Variants in CAMTA1 observed in about 807,000 individuals in gnomAD.
CAMTA1 encodes calmodulin binding transcription activator 1, also known as calmodulin-binding transcription activator 1.
A neutral mutation model predicts 170.9 loss-of-function variants in CAMTA1; 27 were observed. The observed-to-expected ratio is 0.16, with a 90% confidence interval of 0.12 to 0.22. CAMTA1 has a LOEUF of 0.22. CAMTA1 is among the 10% of genes least tolerant of loss of function. CAMTA1 has a pLI of 1.00. For synonymous variants in CAMTA1, 833 were observed against 891.5 expected, an observed-to-expected ratio of 0.93 and a Z score of 1.17; for missense variants, 1,619 against 2,217.2, an observed-to-expected ratio of 0.73 and a Z score of 5.42.
At chr1:7,621,178 A>G (rs925530805) in intron 6 of CAMTA1, among the ~76,000 whole-genome samples, 2 of 152,198 alleles carry the variant, frequency 1.3e-5, no homozygotes, top group African/African-American at 4.8e-5. Flanking sequence ...TCCAGCCAGG[A>G]AAAGAGGTCC....
intron 6 of CAMTA1, among the ~76,000 whole-genome samples, chr1:7,484,234 G>A (rs939263012): frequency 1.3e-5 from 2 of 152,082 alleles, no homozygotes; most frequent in East Asian, 1.9e-4. Flanking sequence ...GCCTTCCCTC[G>A]GGGGGCTCAC....
intron 16 of CAMTA1, among the ~76,000 whole-genome samples, chr1:7,742,870 C>A (rs1490218893): frequency 1.3e-5 from 2 of 152,124 alleles, no homozygotes; most frequent in African/African-American, 4.8e-5. Flanking sequence ...GCTATGTCAC[C>A]CAGGCTGGAG....
At chr1:6,833,877 A>G (rs922529951) in intron 3 of CAMTA1, among the ~76,000 whole-genome samples, 1 of 152,200 alleles carries the variant, frequency 6.6e-6, no homozygotes, top group Non-Finnish European at 1.5e-5. Flanking sequence ...CAGCCCCTTG[A>G]TAATACTTCC....
intron 12 of CAMTA1, among the ~76,000 whole-genome samples, chr1:7,735,129 C>T (rs1009463668): frequency 6.6e-6 from 1 of 152,078 alleles, no homozygotes; most frequent in Non-Finnish European, 1.5e-5. Flanking sequence ...ACATAAAGGA[C>T]TGGATTATTG....
chr1:7,108,109 G>A (rs749108943), intron 4 of CAMTA1, among the ~76,000 whole-genome samples: 49 of 152,120 alleles, frequency 3.2e-4, no homozygotes, highest in Non-Finnish European at 5.7e-4. Flanking sequence ...GTCCTATGGT[G>A]CACAGGACAG....
chr1:7,507,138 TCACA>T (rs1575699674), intron 6 of CAMTA1, among the ~76,000 whole-genome samples: 1 of 148,174 alleles, frequency 6.7e-6, no homozygotes, highest in African/African-American at 2.6e-5. Flanking sequence ...ATTCACACAC[TCACA>T]CTCACTCCCA....
Position 7,286,573 on chromosome 1 carries a change from T to C in CAMTA1, c.438+36947T>C, listed in dbSNP as rs1672380353. Among the ~76,000 whole-genome samples, 1 of 152,210 alleles carries C rather than the reference T, an allele frequency of 6.6e-6. No homozygotes were observed. Among genetic ancestry groups the C allele is most frequent in the South Asian group, 2.1e-4 (1 of 4,828 alleles). ...CTGACGTTAATGCACAGAATCATTGTAGTATCAATGCAGGATTTTGGCAGC... is the reference window on the plus strand; with the variant it reads ...CTGACGTTAATGCACAGAATCATTGCAGTATCAATGCAGGATTTTGGCAGC... On this transcript the variant is annotated intron_variant, in intron 5 of 22. Transcript: ENST00000303635. The surrounding 1 kb of genome is among the most constrained non-coding windows in gnomAD (Gnocchi z 4.2).
At chr1:7,168,394 T>TTTTG (rs1055159446) in intron 4 of CAMTA1, among the ~76,000 whole-genome samples, 17 of 152,256 alleles carry the variant, frequency 1.1e-4, no homozygotes, top group African/African-American at 2.2e-4. Flanking sequence ...TAGAAGTTCT[T>TTTTG]TTTGTTTGTT....
intron 6 of CAMTA1, among the ~76,000 whole-genome samples, chr1:7,624,818 G>T (rs2095622262): frequency 6.6e-6 from 1 of 152,236 alleles, no homozygotes; most frequent in Non-Finnish European, 1.5e-5. Context: ...AGTGAGGCTG[G>T]CTGATGCTGC....
At chr1:7,363,840 A>T (rs1014013486) in intron 5 of CAMTA1, among the ~76,000 whole-genome samples, 8 of 151,956 alleles carry the variant, frequency 5.3e-5, no homozygotes, top group African/African-American at 1.9e-4. Context: ...TCTGCCCTCT[A>T]CTAAACCTGC....
chr1:7,567,160 T>C (rs1016472550), intron 6 of CAMTA1, among the ~76,000 whole-genome samples: 40 of 152,312 alleles, frequency 2.6e-4, no homozygotes, highest in African/African-American at 8.9e-4. Context: ...GAAGGCACTC[T>C]GAGGAGGCAG....
intron 5 of CAMTA1, among the ~76,000 whole-genome samples, chr1:7,265,090 T>G (rs1020860048): frequency 8.5e-5 from 13 of 152,060 alleles, no homozygotes; most frequent in African/African-American, 3.1e-4. Context: ...GCTGCAGAAC[T>G]TCTCAGGCAG....
intron 3 of CAMTA1, among the ~76,000 whole-genome samples, chr1:6,936,502 CAG>C (rs1357014354): frequency 2.0e-5 from 3 of 151,610 alleles, no homozygotes; most frequent in African/African-American, 4.8e-5. Context: ...GGAGCTAACT[CAG>C]GGGTTGGGGG....
chr1:6,885,213 A>G (rs1672875644), intron 3 of CAMTA1, among the ~76,000 whole-genome samples: 1 of 152,222 alleles, frequency 6.6e-6, no homozygotes, highest in Non-Finnish European at 1.5e-5. Flanking sequence ...AAGAAGAGCT[A>G]TTTTATGATA....
At chr1:7,586,184 T>A (rs949048414) in intron 6 of CAMTA1, among the ~76,000 whole-genome samples, 16 of 152,122 alleles carry the variant, frequency 1.1e-4, no homozygotes, top group Middle Eastern at 3.4e-3. Context: ...CCGGGCACCC[T>A]CCAGTGTGGG....
intron 6 of CAMTA1, among the ~76,000 whole-genome samples, chr1:7,568,155 C>G (rs7418805): frequency 0.15 from 22,217 of 151,280 alleles, 5,298 homozygotes; most frequent in African/African-American, 0.5. Flanking sequence ...CATCATCATC[C>G]TTATCATCAC....
At chr1:7,529,729 C>A (rs2094470030) in intron 6 of CAMTA1, among the ~76,000 whole-genome samples, 1 of 152,206 alleles carries the variant, frequency 6.6e-6, no homozygotes, top group African/African-American at 2.4e-5. Context: ...ACCTTAACAT[C>A]TCTATCTGTA....
chr1:7,499,787 G>C (rs1231970923), intron 6 of CAMTA1, among the ~76,000 whole-genome samples: 5 of 91,380 alleles, frequency 5.5e-5, no homozygotes, highest in African/African-American at 3.1e-4. Flanking sequence ...GTGTCCATGA[G>C]TGTGTGTGGA....
intron 1 of CAMTA1, among the ~76,000 whole-genome samples, chr1:6,817,162 C>A (rs955445285): frequency 6.6e-6 from 1 of 152,018 alleles, no homozygotes; most frequent in Non-Finnish European, 1.5e-5. Flanking sequence ...TATAAAAATC[C>A]TTTTTTATGA....
Sources: gnomAD v4.1 joint callset for allele counts (sites outside exome capture counted in the v4.1 genomes callset) on GRCh38, gnomAD v4.1.1 for gene constraint, Gnocchi (gnomAD v3.1) non-coding constraint, MANE v1.5 for transcripts, NCBI Gene and HGNC (gene_info 2026-07-23, HGNC 2026-07-21) for gene names.